Variants in GPC5 observed in about 807,000 individuals in gnomAD.
The protein encoded by GPC5 is glypican 5.
GPC5 carries 47 observed loss-of-function variants against 53.9 expected under a neutral mutation model. That is an observed-to-expected ratio of 0.87 (90% CI 0.69 to 1.11). The LOEUF is 1.11. Ranked by LOEUF, GPC5 falls within the 50% of genes most tolerant of loss-of-function variation. The probability of loss-of-function intolerance (pLI) is 0.00; values close to 1 mark genes in which losing one functional copy is unlikely to be tolerated. For synonymous variants in GPC5, 286 were observed against 263.3 expected, an observed-to-expected ratio of 1.09 and a Z score of -0.84; for missense variants, 748 against 713.1, an observed-to-expected ratio of 1.05 and a Z score of -0.56.
At position 91,689,160 on chromosome 13, in the gene GPC5, T is replaced by C. The variant is rs368626789; in HGVS notation, c.326-4027T>C. On this transcript the variant is annotated intron_variant, in intron 2 of 7. Coordinates refer to ENST00000377067, the MANE Select transcript of GPC5 (RefSeq NM_004466.6). ...CTGCAGCCTAGGTGATGGAGCAAAA[T>C]GTTGTCTCAAAAAATCATATATAAA... Among the ~76,000 whole-genome samples, 762 of 132,720 alleles carry C rather than the reference T, an allele frequency of 5.7e-3. 15 individuals are homozygous for C. Among genetic ancestry groups the C allele is most frequent in the South Asian group, 0.039 (162 of 4,124 alleles). 87.1% of individuals were successfully genotyped at this position (132,720 alleles called of 152,430 possible).
At chr13:91,800,727 T>A (rs2038120782) in intron 5 of GPC5, among the ~76,000 whole-genome samples, 3 of 152,268 alleles carry the variant, frequency 2.0e-5, no homozygotes, top group Admixed American at 6.5e-5. Context: ...TTTGAACATG[T>A]TTTAATAATG....
chr13:92,610,377 A>G (rs114054153), intron 7 of GPC5, among the ~76,000 whole-genome samples: 1 of 152,200 alleles, frequency 6.6e-6, no homozygotes, highest in Non-Finnish European at 1.5e-5. Flanking sequence ...ATAATAGTTT[A>G]TAAATGTTCT....
chr13:91,631,717 A>T (rs1023574288), intron 2 of GPC5, among the ~76,000 whole-genome samples: 1 of 152,088 alleles, frequency 6.6e-6, no homozygotes, highest in African/African-American at 2.4e-5. Context: ...GGTAGAAATT[A>T]GTTGTTTATG....
At chr13:92,700,940 TC>T (rs1351682000) in intron 7 of GPC5, among the ~76,000 whole-genome samples, 1 of 152,110 alleles carries the variant, frequency 6.6e-6, no homozygotes, top group Non-Finnish European at 1.5e-5. Context: ...TCTTAGGGTT[TC>T]TTCTGGGTTT....
At chr13:91,685,911 T>A (rs1317962945) in intron 2 of GPC5, among the ~76,000 whole-genome samples, 2 of 149,542 alleles carry the variant, frequency 1.3e-5, no homozygotes, top group Non-Finnish European at 3.0e-5. Context: ...AAGAACCATG[T>A]TTTTGTGTAT....
chr13:92,538,233 TCTC>T (rs34209592), intron 7 of GPC5, among the ~76,000 whole-genome samples: 29,830 of 151,678 alleles, frequency 0.2, 2,878 homozygotes, highest in Non-Finnish European at 0.21. Context: ...TTCCGTTCCC[TCTC>T]CTCTTTTCCC....
chr13:91,626,215 G>T (rs2033996102), intron 2 of GPC5, among the ~76,000 whole-genome samples: 1 of 152,074 alleles, frequency 6.6e-6, no homozygotes, highest in Non-Finnish European at 1.5e-5. Flanking sequence ...TACTAGCATG[G>T]AGAGACATTT....
At chr13:91,557,668 G>T (rs989843300) in intron 2 of GPC5, among the ~76,000 whole-genome samples, 2 of 152,152 alleles carry the variant, frequency 1.3e-5, no homozygotes, top group Non-Finnish European at 2.9e-5. Flanking sequence ...GTATGTCACA[G>T]AATCCTTTCA....
intron 7 of GPC5, among the ~76,000 whole-genome samples, chr13:92,416,958 G>C (rs566397305): frequency 6.6e-6 from 1 of 151,972 alleles, no homozygotes; most frequent in Admixed American, 6.6e-5. Flanking sequence ...AGTCAAAAAG[G>C]CACTTTAACT....
intron 4 of GPC5, among the ~76,000 whole-genome samples, chr13:91,750,751 G>A (rs1398025079): frequency 7.3e-6 from 1 of 137,660 alleles, no homozygotes; most frequent in Non-Finnish European, 1.5e-5. Flanking sequence ...CGCCATCTTG[G>A]CTCACCACAA....
chr13:92,291,805 C>T (rs376759752), intron 7 of GPC5, among the ~76,000 whole-genome samples: 7 of 152,120 alleles, frequency 4.6e-5, no homozygotes, highest in East Asian at 1.9e-4. Flanking sequence ...ACAAACCCAC[C>T]GGGAGGAACG....
chr13:92,252,361 C>T (rs941451083), intron 7 of GPC5, among the ~76,000 whole-genome samples: 1 of 151,994 alleles, frequency 6.6e-6, no homozygotes, highest in African/African-American at 2.4e-5. Flanking sequence ...AATGCAAACA[C>T]ATGTGAGAAA....
At chr13:92,225,785 G>T (rs772441088) in intron 7 of GPC5, among the ~76,000 whole-genome samples, 1 of 151,662 alleles carries the variant, frequency 6.6e-6, no homozygotes, top group Non-Finnish European at 1.5e-5. Context: ...TTTTTCAAAG[G>T]CCCAGTTTTA....
At chr13:91,876,456 G>A (rs944106681) in intron 5 of GPC5, among the ~76,000 whole-genome samples, 4 of 152,178 alleles carry the variant, frequency 2.6e-5, no homozygotes, top group Non-Finnish European at 5.9e-5. Context: ...AGATGAGGAA[G>A]TAGTTGGGAA....
At chr13:91,725,611 T>A (rs2036560404) in intron 3 of GPC5, among the ~76,000 whole-genome samples, 1 of 152,212 alleles carries the variant, frequency 6.6e-6, no homozygotes, top group Admixed American at 6.6e-5. Flanking sequence ...AGATATCTTA[T>A]AAGTCTATGG....
rs10162144 is a variant in GPC5 at position 92,461,911 on chromosome 13, A to T, written c.1561+316922A>T. Among the ~76,000 whole-genome samples, 626 of 152,320 alleles carry T rather than the reference A, an allele frequency of 4.1e-3. 1 individual carries two copies. Among genetic ancestry groups the T allele is most frequent in the African/African-American group, 0.012 (503 of 41,582 alleles). On this transcript the variant is annotated intron_variant, in intron 7 of 7. Transcript: ENST00000377067. ...AAGACAGATGCACCTCTGAAAAGTC[A>T]TATTTGGGCAAAGACCTGTGTGAAG...
At chr13:92,446,195 C>CT (rs1010798695) in intron 7 of GPC5, among the ~76,000 whole-genome samples, 3 of 150,892 alleles carry the variant, frequency 2.0e-5, no homozygotes, top group Non-Finnish European at 3.0e-5. Flanking sequence ...TTCTTTCTAA[C>CT]TTTTTTTTTA....
At chr13:92,527,507 T>C (rs748708455) in intron 7 of GPC5, among the ~76,000 whole-genome samples, 2 of 151,832 alleles carry the variant, frequency 1.3e-5, no homozygotes, top group Non-Finnish European at 2.9e-5. Flanking sequence ...AAAACAAAGG[T>C]CACCGGTGAG....
chr13:91,591,071 G>A (rs970908738), intron 2 of GPC5, among the ~76,000 whole-genome samples: 10 of 152,276 alleles, frequency 6.6e-5, no homozygotes, highest in South Asian at 4.1e-4. Context: ...TCCTAAGACA[G>A]TGACAGGCAT....
Sources: allele counts gnomAD v4.1 joint callset (sites outside exome capture counted in the v4.1 genomes callset), GRCh38; gene constraint gnomAD v4.1.1; transcripts MANE v1.5; gene names NCBI Gene and HGNC (gene_info 2026-07-23, HGNC 2026-07-21).